KCNQ1OT1: variants seen among roughly 807,000 people sequenced by gnomAD.
KCNQ1OT1 encodes KCNQ1 antisense RNA 2 (non-protein coding).
At position 2,673,129 on chromosome 11, in the gene KCNQ1OT1, C is replaced by T. The variant is rs758387911; in HGVS notation, n.26866G>A. The T allele has an allele frequency of 2.5e-5, 10 of 398,734 alleles. No individual in the cohort carries two copies. The highest frequency in any genetic ancestry group is 3.5e-5 in the Non-Finnish European group (8 of 226,258). The allele number at this position is 398,734 out of a possible 1,614,324, so 24.7% of individuals were successfully genotyped here. The stretch of plus-strand genomic sequence containing the variant: ...GAGACCCCAGCAGGCAGCATCAGGG[C>T]AGGGGTGCTGACCATCCCTGACCCA... On this transcript the variant is annotated non_coding_transcript_exon_variant, in exon 1 of 1. Coordinates refer to ENST00000597346, the Ensembl canonical transcript of KCNQ1OT1. This position sits in a 1 kb window ranked among gnomAD's most constrained non-coding sequence, Gnocchi z 4.5.
exon 1 of KCNQ1OT1, chr11:2,634,088 A>G (rs1849409008): frequency 2.5e-6 from 1 of 394,784 alleles, no homozygotes; most frequent in Admixed American, 4.5e-5. Context: ...GTTCCATGCA[A>G]GTTTAAGGAT....
In KCNQ1OT1 at chr11:2,691,961, C is replaced by T. The variant is rs1850595473; in HGVS notation, n.8034G>A. On this transcript the variant is annotated non_coding_transcript_exon_variant, in exon 1 of 1. Transcript: ENST00000597346. The surrounding 1 kb of genome is among the most constrained non-coding windows in gnomAD (Gnocchi z 6.4). ...TGGCATGGCCACTAAATGCCAGTGC[C>T]TTTCTCTATGCAAACCATTTCCCTA... The T allele has an allele frequency of 7.5e-6, 3 of 398,504 alleles. No homozygotes were observed. Among genetic ancestry groups the T allele is most frequent in the Admixed American group, 4.4e-5 (1 of 22,720 alleles). 24.7% of individuals were successfully genotyped at this position (398,504 alleles called of 1,614,324 possible).
exon 1 of KCNQ1OT1, chr11:2,631,779 C>T: frequency 2.5e-6 from 1 of 398,592 alleles, no homozygotes; most frequent in East Asian, 3.6e-5. Flanking sequence ...TCAGCAGTGG[C>T]AAACATTACA....
chr11:2,667,584 G>A (rs1850101920), exon 1 of KCNQ1OT1: 1 of 398,530 alleles, frequency 2.5e-6, no homozygotes, highest in Non-Finnish European at 4.4e-6. Flanking sequence ...AGGGGGTCGG[G>A]GCGGGGTTGG....
chr11:2,662,422 G>C (rs780526982), exon 1 of KCNQ1OT1: 22 of 280,786 alleles, frequency 7.8e-5, no homozygotes, highest in Non-Finnish European at 1.1e-4. Flanking sequence ...TTGTTTTTTA[G>C]CATTTCCCCA....
chr11:2,627,544 G>C lies in KCNQ1OT1; in HGVS notation n.72451C>G. On this transcript the variant is annotated non_coding_transcript_exon_variant, in exon 1 of 1. Coordinates refer to ENST00000597346, the Ensembl canonical transcript of KCNQ1OT1. This position sits in a 1 kb window ranked among gnomAD's most constrained non-coding sequence, Gnocchi z 4.9. ...TAGAATTCCATATGTAACTGGGATA[G>C]TGCAGTATTTGTCTTTCTGTGTCTG... is the stretch of plus-strand genomic sequence containing the variant. 5.0e-6 allele frequency: 2 copies of C among 398,396 alleles called. No homozygotes were observed. Among genetic ancestry groups the C allele is most frequent in the Non-Finnish European group, 8.8e-6 (2 of 226,022 alleles). 24.7% of individuals were successfully genotyped at this position (398,396 alleles called of 1,614,324 possible). A position where few individuals can be genotyped will look rare whatever the true frequency, so the allele number is the denominator to read the frequency against.
exon 1 of KCNQ1OT1, chr11:2,644,074 A>G (rs535800008): frequency 2.5e-6 from 1 of 398,550 alleles, no homozygotes; most frequent in South Asian, 1.3e-4. Context: ...TGTGCTGTGG[A>G]AAAGACCTTT....
chr11:2,656,686 CTCTT>C, exon 1 of KCNQ1OT1: 1 of 327,720 alleles, frequency 3.1e-6, no homozygotes, highest in Non-Finnish European at 5.5e-6. Flanking sequence ...TGTCTTTTCA[CTCTT>C]TAAGGTGTAT....
Position 2,695,356 on chromosome 11 carries a change from A to G in KCNQ1OT1, n.4639T>C. On this transcript the variant is annotated non_coding_transcript_exon_variant, in exon 1 of 1. Coordinates refer to ENST00000597346, the Ensembl canonical transcript of KCNQ1OT1. This position sits in a 1 kb window ranked among gnomAD's most constrained non-coding sequence, Gnocchi z 5.2. ...TGTGTGTGTGTGTGCACTCACGAGC[A>G]CTCCCTAGTACTGCGTGTCTGGGTG... The G allele has an allele frequency of 2.5e-6, 1 of 395,898 alleles. No individual in the cohort carries two copies. The highest frequency in any genetic ancestry group is 3.6e-5 in the East Asian group (1 of 28,012). 24.5% of individuals were successfully genotyped at this position (395,898 alleles called of 1,614,324 possible).
chr11:2,646,950 T>A, exon 1 of KCNQ1OT1: 1 of 398,658 alleles, frequency 2.5e-6, no homozygotes, highest in Non-Finnish European at 4.4e-6. Context: ...CAATATGACA[T>A]TCTCTTTTCC....
Position 2,691,862 on chromosome 11 carries a change from A to T in KCNQ1OT1, n.8133T>A, listed in dbSNP as rs915844636. 6 of 398,468 alleles carry T rather than the reference A, an allele frequency of 1.5e-5. No individual in the cohort carries two copies. Among genetic ancestry groups the T allele is most frequent in the African/African-American group, 4.1e-5 (2 of 48,574 alleles). The allele number at this position is 398,468 out of a possible 1,614,324, so 24.7% of individuals were successfully genotyped here. On this transcript the variant is annotated non_coding_transcript_exon_variant, in exon 1 of 1. Coordinates refer to ENST00000597346, the Ensembl canonical transcript of KCNQ1OT1. The surrounding 1 kb of genome is among the most constrained non-coding windows in gnomAD (Gnocchi z 6.4). ...CCATGACCCCTAGGTCCTCTTTTCCATCCCTCCAGTTCTCCTGGCTTTCTT... is the reference window on the plus strand; with the variant it reads ...CCATGACCCCTAGGTCCTCTTTTCCTTCCCTCCAGTTCTCCTGGCTTTCTT...
exon 1 of KCNQ1OT1, chr11:2,616,126 G>A: frequency 2.5e-6 from 1 of 397,268 alleles, no homozygotes; most frequent in Non-Finnish European, 4.4e-6. Context: ...TATATAATTT[G>A]TTGGTATACA....
chr11:2,686,350 A>T (rs1377761073), exon 1 of KCNQ1OT1: 1 of 398,552 alleles, frequency 2.5e-6, no homozygotes, highest in Non-Finnish European at 4.4e-6. Context: ...CTGGGGGAGG[A>T]GTATGCTCAC....
Position 2,620,835 on chromosome 11 carries a change from C to A in KCNQ1OT1, n.79160G>T, listed in dbSNP as rs1849157359. 5.0e-6 allele frequency: 2 copies of A among 398,490 alleles called. No homozygotes were observed. The highest frequency in any genetic ancestry group is 8.8e-6 in the Non-Finnish European group (2 of 226,086). 24.7% of individuals were successfully genotyped at this position (398,490 alleles called of 1,614,324 possible). ...GTGTATAAGCGTTCCCTTTTCTCTGCAGCCTTCCCAGCAACTTTTATTTTT... is the reference window on the plus strand; with the variant it reads ...GTGTATAAGCGTTCCCTTTTCTCTGAAGCCTTCCCAGCAACTTTTATTTTT... On this transcript the variant is annotated non_coding_transcript_exon_variant, in exon 1 of 1. Coordinates refer to ENST00000597346, the Ensembl canonical transcript of KCNQ1OT1. The surrounding 1 kb of genome is among the most constrained non-coding windows in gnomAD (Gnocchi z 4.5).
rs1258835652 is a variant in KCNQ1OT1, at chr11:2,647,642, T to C, written n.52353A>G. ...CGTGCAATCCTGAGGTTTTCTTTAC[T>C]GGGAGACTTTATTACTGATACAATC... On this transcript the variant is annotated non_coding_transcript_exon_variant, in exon 1 of 1. Transcript: ENST00000597346. The surrounding 1 kb of genome is among the most constrained non-coding windows in gnomAD (Gnocchi z 4.0). 5.0e-6 allele frequency: 2 copies of C among 398,576 alleles called. No individual in the cohort carries two copies. Among genetic ancestry groups the C allele is most frequent in the Non-Finnish European group, 8.8e-6 (2 of 226,030 alleles). The allele number at this position is 398,576 out of a possible 1,614,324, so 24.7% of individuals were successfully genotyped here.
chr11:2,665,874 G>C, exon 1 of KCNQ1OT1: 1 of 398,798 alleles, frequency 2.5e-6, no homozygotes. Flanking sequence ...TCTGAACTTG[G>C]GGGCTGTGTG....
In KCNQ1OT1 at chr11:2,627,454, T is replaced by G. The variant is rs143268699; in HGVS notation, n.72541A>C. On this transcript the variant is annotated non_coding_transcript_exon_variant, in exon 1 of 1. Coordinates refer to ENST00000597346, the Ensembl canonical transcript of KCNQ1OT1. The surrounding 1 kb of genome is among the most constrained non-coding windows in gnomAD (Gnocchi z 4.9). Reference sequence around the variant, plus strand: ...GTTTGTACCCTTCAACATTTCCTATTTCCCCTACTCCCTGACCCCTAGTAA... The same window carrying G: ...GTTTGTACCCTTCAACATTTCCTATGTCCCCTACTCCCTGACCCCTAGTAA... 3 of 398,532 alleles carry G rather than the reference T, an allele frequency of 7.5e-6. No homozygotes were observed. The highest frequency in any genetic ancestry group is 6.2e-5 in the African/African-American group (3 of 48,736). 24.7% of individuals were successfully genotyped at this position (398,532 alleles called of 1,614,324 possible). A position where few individuals can be genotyped will look rare whatever the true frequency, so the allele number is the denominator to read the frequency against.
rs376412268 is a variant in KCNQ1OT1, at chr11:2,668,210, T to G, written n.31785A>C. The G allele has an allele frequency of 4.5e-4, 179 of 398,652 alleles. 1 individual carries two copies. The highest frequency in any genetic ancestry group is 2.9e-3 in the African/African-American group (139 of 48,748). The allele number at this position is 398,652 out of a possible 1,614,324, so 24.7% of individuals were successfully genotyped here. On this transcript the variant is annotated non_coding_transcript_exon_variant, in exon 1 of 1. Coordinates refer to ENST00000597346, the Ensembl canonical transcript of KCNQ1OT1. This position sits in a 1 kb window ranked among gnomAD's most constrained non-coding sequence, Gnocchi z 4.3. ...TTGTGTGCATGGCCTACATCATTCATCCATTCTACCACCTGTGGCCAGCAG... is the reference window on the plus strand; with the variant it reads ...TTGTGTGCATGGCCTACATCATTCAGCCATTCTACCACCTGTGGCCAGCAG...
chr11:2,627,158 G>T lies in KCNQ1OT1; in HGVS notation n.72837C>A. ...CCTCCTTGGTAAAGTTGGTTCCTAA[G>T]TTTGTTATTCTTGATGCTTTTTTCA... On this transcript the variant is annotated non_coding_transcript_exon_variant, in exon 1 of 1. Coordinates refer to ENST00000597346, the Ensembl canonical transcript of KCNQ1OT1. This position sits in a 1 kb window ranked among gnomAD's most constrained non-coding sequence, Gnocchi z 4.9. The T allele has an allele frequency of 2.5e-6, 1 of 398,396 alleles. No homozygotes were observed. The allele number at this position is 398,396 out of a possible 1,614,324, so 24.7% of individuals were successfully genotyped here. A position where few individuals can be genotyped will look rare whatever the true frequency, so the allele number is the denominator to read the frequency against.
Sources: gnomAD v4.1 joint callset for allele counts on GRCh38, gnomAD v4.1.1 for gene constraint, Gnocchi (gnomAD v3.1) non-coding constraint, MANE v1.5 for transcripts, NCBI Gene and HGNC (gene_info 2026-07-23, HGNC 2026-07-21) for gene names.